The following TRAPPC9 variants were observed in gnomAD, a reference collection of about 807,000 sequenced individuals.
The protein encoded by TRAPPC9 is IKK2 binding protein.
Under a neutral mutation model 124.0 loss-of-function variants are expected in TRAPPC9, and 83 were observed. That is an observed-to-expected ratio of 0.67 (90% CI 0.56 to 0.80). TRAPPC9 has a LOEUF of 0.80. TRAPPC9 is among the 30% of genes least tolerant of loss of function. TRAPPC9 has a pLI of 0.00. For synonymous variants in TRAPPC9, 638 were observed against 617.5 expected (o/e 1.03, Z -0.49); for missense variants, 1,302 against 1,508.3 (o/e 0.86, Z 2.27).
At chr8:140,303,948 T>C (rs2066050792) in intron 10 of TRAPPC9, among the ~76,000 whole-genome samples, 1 of 152,222 alleles carries the variant, frequency 6.6e-6, no homozygotes, top group Non-Finnish European at 1.5e-5. Context: ...AACGATTCTA[T>C]ATAGCAGGTC....
chr8:140,205,020 C>T (rs1243552876), intron 17 of TRAPPC9, among the ~76,000 whole-genome samples: 1 of 151,970 alleles, frequency 6.6e-6, no homozygotes, highest in Non-Finnish European at 1.5e-5. Flanking sequence ...AAATCATCTA[C>T]GGAGATGTCA....
chr8:139,766,691 C>T (rs1820605653), intron 21 of TRAPPC9, among the ~76,000 whole-genome samples: 1 of 152,150 alleles, frequency 6.6e-6, no homozygotes, highest in South Asian at 2.1e-4. Flanking sequence ...GCTCAACACA[C>T]AGTTTCTATC....
chr8:140,207,138 C>T (rs1459818308), intron 17 of TRAPPC9, among the ~76,000 whole-genome samples: 2 of 152,204 alleles, frequency 1.3e-5, no homozygotes, highest in Non-Finnish European at 2.9e-5. Flanking sequence ...TGTGCAACCT[C>T]CTTCACCATA....
rs548911757 is a variant in TRAPPC9 at position 140,011,605 on chromosome 8, G to C, written c.2699+12332C>G. Among the ~76,000 whole-genome samples the C allele has an allele frequency of 3.5e-5, 5 of 141,604 alleles. No homozygotes were observed. The East Asian group carries it at 1.1e-3, about 31-fold the overall frequency. The allele number at this position is 141,604 out of a possible 152,430, so 92.9% of individuals were successfully genotyped here. The stretch of plus-strand genomic sequence containing the variant: ...TGCAACCTCTGCCTCCCGGGTTCAA[G>C]TGATTCTCCTACCTCAGCCTCCCAA... On this transcript the variant is annotated intron_variant, in intron 18 of 22. Coordinates refer to ENST00000438773, the MANE Select transcript of TRAPPC9 (RefSeq NM_001160372.4).
At chr8:140,408,451 A>AT (rs1453855932) in intron 5 of TRAPPC9, among the ~76,000 whole-genome samples, 1 of 152,234 alleles carries the variant, frequency 6.6e-6, no homozygotes, top group Non-Finnish European at 1.5e-5. Flanking sequence ...AGCAAAAAAA[A>AT]GAAGGAAGAC....
chr8:139,938,804 C>T (rs980284552), intron 19 of TRAPPC9, among the ~76,000 whole-genome samples: 1 of 151,024 alleles, frequency 6.6e-6, no homozygotes, highest in African/African-American at 2.4e-5. Context: ...CGCCACCACG[C>T]CCGGCTAATT....
chr8:140,353,432 T>C lies in TRAPPC9; in HGVS notation c.1495+6618A>G, dbSNP rs1484411858. 6.6e-6 allele frequency among the ~76,000 whole-genome samples: 1 copy of C among 152,228 alleles called. No individual in the cohort carries two copies. The highest frequency in any genetic ancestry group is 6.5e-5 in the Admixed American group (1 of 15,282). ...ATTGATAACCGCACTTCACTCACAG[T>C]AGCAGAGCCTACATATGGTTGAACC... On this transcript the variant is annotated intron_variant, in intron 9 of 22. Transcript: ENST00000438773. This position sits in a 1 kb window ranked among gnomAD's most constrained non-coding sequence, Gnocchi z 4.2.
chr8:140,067,620 A>C (rs1402639460), intron 17 of TRAPPC9, among the ~76,000 whole-genome samples: 1 of 152,142 alleles, frequency 6.6e-6, no homozygotes, highest in Non-Finnish European at 1.5e-5. Flanking sequence ...CATCTTCCTC[A>C]ATTTCTTCAT....
chr8:139,886,103 T>A, intron 20 of TRAPPC9, 134 bp from the exon 21 acceptor site: 2 of 820,898 alleles, frequency 2.4e-6, no homozygotes, highest in Non-Finnish European at 4.1e-6. Context: ...AGGGACTGTC[T>A]AACCAACCAC....
intron 21 of TRAPPC9, among the ~76,000 whole-genome samples, chr8:139,795,781 T>C (rs945035283): frequency 6.6e-6 from 1 of 152,146 alleles, no homozygotes; most frequent in African/African-American, 2.4e-5. Context: ...GGCGGACCTC[T>C]GGGACAGAAA....
chr8:139,797,177 A>AC lies in TRAPPC9; in HGVS notation c.3056-64976_3056-64975insG, dbSNP rs543454908. On this transcript the variant is annotated intron_variant, in intron 21 of 22. Transcript: ENST00000438773. Reference sequence around the variant, plus strand: ...CTTATCAGATATATGGTTTGCAAATATTTTAATCCATCCGGTGTGTTGTCT... The same window carrying AC: ...CTTATCAGATATATGGTTTGCAAATACTTTTAATCCATCCGGTGTGTTGTCT... Among the ~76,000 whole-genome samples, 20 of 151,818 alleles carry AC rather than the reference A, an allele frequency of 1.3e-4. No individual in the cohort carries two copies. In the South Asian group the frequency reaches 4.2e-3, roughly 32 times the overall value.
chr8:139,863,571 C>T (rs762142997), intron 21 of TRAPPC9, among the ~76,000 whole-genome samples: 52 of 152,332 alleles, frequency 3.4e-4, no homozygotes, highest in Non-Finnish European at 1.6e-4. Flanking sequence ...CCTTTCTACT[C>T]GCAGATGGTG....
intron 19 of TRAPPC9, among the ~76,000 whole-genome samples, chr8:139,913,395 C>T (rs11994915): frequency 0.26 from 39,343 of 152,186 alleles, 5,128 homozygotes; most frequent in East Asian, 0.39. Flanking sequence ...GTGCCCAAGC[C>T]ATCTGGCCCA....
At chr8:140,016,753 C>T (rs942481673) in intron 18 of TRAPPC9, among the ~76,000 whole-genome samples, 11 of 152,296 alleles carry the variant, frequency 7.2e-5, no homozygotes, top group African/African-American at 2.6e-4. Context: ...TACGAAAATA[C>T]TTGCAGGAGT....
chr8:140,056,969 AG>A (rs1167600938), intron 17 of TRAPPC9, among the ~76,000 whole-genome samples: 1 of 152,238 alleles, frequency 6.6e-6, no homozygotes, highest in Non-Finnish European at 1.5e-5. Flanking sequence ...TAACTACTGT[AG>A]TTAACTAAAT....
intron 5 of TRAPPC9, among the ~76,000 whole-genome samples, chr8:140,417,552 C>A (rs1198232809): frequency 6.6e-6 from 1 of 152,188 alleles, no homozygotes; most frequent in Non-Finnish European, 1.5e-5. Flanking sequence ...ATTAAAAAGT[C>A]AGGAAACAAC....
rs13272112 is a variant in TRAPPC9 at position 139,907,541 on chromosome 8, G to C, written c.2964+2606C>G. Among the ~76,000 whole-genome samples the C allele has an allele frequency of 0.098, 14,248 of 145,362 alleles. 854 individuals carry two copies. Among genetic ancestry groups the C allele is most frequent in the Admixed American group, 0.16 (2,375 of 14,474 alleles). ...GAGAGGAGAGGGAGAAAGAGAAAGG[G>C]GGGGAGGAAGGGATGGAGGCAGAGA... On this transcript the variant is annotated intron_variant, in intron 20 of 22. Coordinates refer to ENST00000438773, the MANE Select transcript of TRAPPC9 (RefSeq NM_001160372.4). The surrounding 1 kb of genome is among the most constrained non-coding windows in gnomAD (Gnocchi z 4.7).
At chr8:140,092,180 AT>A (rs200449796) in intron 17 of TRAPPC9, among the ~76,000 whole-genome samples, 1,537 of 144,798 alleles carry the variant, frequency 0.011, 10 homozygotes, top group Middle Eastern at 0.034. Context: ...ATTCTTCAAC[AT>A]TTTTTTTTAC....
chr8:139,785,574 ACAC>A (rs1241373566), intron 21 of TRAPPC9, among the ~76,000 whole-genome samples: 5 of 148,662 alleles, frequency 3.4e-5, no homozygotes, highest in African/African-American at 1.0e-4. Flanking sequence ...ACACACACAC[ACAC>A]AATTAGCTGG....
Sources: allele counts gnomAD v4.1 joint callset (sites outside exome capture counted in the v4.1 genomes callset), GRCh38; gene constraint gnomAD v4.1.1; non-coding constraint Gnocchi (gnomAD v3.1); transcripts MANE v1.5; gene names NCBI Gene and HGNC (gene_info 2026-07-23, HGNC 2026-07-21).